TTC28: variants seen among roughly 807,000 people sequenced by gnomAD.
TTC28 encodes the protein tetratricopeptide repeat domain 28.
Under a neutral mutation model 198.0 loss-of-function variants are expected in TTC28, and 61 were observed. The ratio of observed to expected loss-of-function variants is 0.31; its 90% CI spans 0.25 to 0.38. TTC28 has a LOEUF of 0.38. TTC28 is among the 10% of genes least tolerant of loss of function. TTC28 has a pLI of 1.00. For synonymous variants in TTC28, 1,171 were observed against 1,297.8 expected (o/e 0.90, Z 2.10); for missense variants, 2,678 against 3,164.0 (o/e 0.85, Z 3.69).
At chr22:28,176,911 T>C (rs1192492726) in intron 5 of TTC28, among the ~76,000 whole-genome samples, 2 of 152,136 alleles carry the variant, frequency 1.3e-5, no homozygotes, top group African/African-American at 4.8e-5. Context: ...TGGAAATGGA[T>C]CAGACCTAAA....
At chr22:28,321,044 G>A (rs16986308) in intron 2 of TTC28, among the ~76,000 whole-genome samples, 15,631 of 152,092 alleles carry the variant, frequency 0.1, 942 homozygotes, top group Non-Finnish European at 0.12. Flanking sequence ...GAAGCAAGAG[G>A]AAATTCACTT....
In TTC28 at chr22:28,648,489, T is replaced by C. The variant is rs542269703; in HGVS notation, c.103-18659A>G. 2.6e-5 allele frequency among the ~76,000 whole-genome samples: 4 copies of C among 152,332 alleles called. No homozygotes were observed. In the East Asian group the frequency reaches 7.7e-4, roughly 29 times the overall value. ...TCATTTAATCCAACAATCCCACTAC[T>C]GGGTATCCACCCAAAGGAAAAGAAG... is the stretch of plus-strand genomic sequence containing the variant. On this transcript the variant is annotated intron_variant, in intron 1 of 22. Transcript: ENST00000397906.
intron 12 of TTC28, among the ~76,000 whole-genome samples, chr22:28,089,988 T>C (rs1941762551): frequency 6.6e-6 from 1 of 151,826 alleles, no homozygotes; most frequent in Non-Finnish European, 1.5e-5. Context: ...GGGAGAAGGA[T>C]AGCATTAGGA....
intron 5 of TTC28, among the ~76,000 whole-genome samples, chr22:28,181,838 G>T (rs1381089512): frequency 6.6e-6 from 1 of 152,136 alleles, no homozygotes; most frequent in Non-Finnish European, 1.5e-5. Context: ...AGGCTAGAAG[G>T]ATTGCTTGAG....
intron 2 of TTC28, among the ~76,000 whole-genome samples, chr22:28,397,102 T>C (rs2046830719): frequency 1.3e-5 from 2 of 152,274 alleles, no homozygotes; most frequent in South Asian, 2.1e-4. Context: ...ATCTTTTATA[T>C]AGCAAACAGT....
chr22:28,245,945 T>C (rs1430368081), intron 5 of TTC28, among the ~76,000 whole-genome samples: 4 of 152,214 alleles, frequency 2.6e-5, no homozygotes, highest in Non-Finnish European at 5.9e-5. Flanking sequence ...ACTTATGCTA[T>C]TACTTCATCT....
chr22:28,585,766 G>T (rs1221887860), intron 2 of TTC28, among the ~76,000 whole-genome samples: 2 of 152,130 alleles, frequency 1.3e-5, no homozygotes, highest in African/African-American at 4.8e-5. Flanking sequence ...AAAATTCATT[G>T]TCTTAAAGGT....
chr22:28,294,189 G>A (rs2044844033), intron 5 of TTC28, among the ~76,000 whole-genome samples: 1 of 152,100 alleles, frequency 6.6e-6, no homozygotes, highest in African/African-American at 2.4e-5. Flanking sequence ...GGGCAATTTT[G>A]GAAGGGCTTA....
rs76808733 is a variant in TTC28 at position 28,297,478 on chromosome 22, A to C, written c.802+102T>G. 3.2e-3 allele frequency: 4,387 copies of C among 1,368,268 alleles called. 162 individuals carry two copies. The African/African-American group carries it at 0.059, about 18-fold the overall frequency. The allele number at this position is 1,368,268 out of a possible 1,614,324, so 84.8% of individuals were successfully genotyped here. A position where few individuals can be genotyped will look rare whatever the true frequency, so the allele number is the denominator to read the frequency against. The stretch of plus-strand genomic sequence containing the variant: ...AAGCACTGGGATTACAGGTGTGAGC[A>C]ACCAGGCGATCACTTTTCATTGCAT... On this transcript the variant is annotated intron_variant, in intron 4 of 22. Transcript: ENST00000397906.
intron 12 of TTC28, among the ~76,000 whole-genome samples, chr22:28,086,194 A>C (rs1941589536): frequency 6.6e-6 from 1 of 152,110 alleles, no homozygotes; most frequent in African/African-American, 2.4e-5. Context: ...CTCCACCCCA[A>C]ATCAACAGAA....
chr22:28,193,645 G>A (rs533409125), intron 5 of TTC28, among the ~76,000 whole-genome samples: 44 of 152,062 alleles, frequency 2.9e-4, no homozygotes, highest in Non-Finnish European at 5.6e-4. Context: ...ACCTAGTCTC[G>A]GATAAAACAG....
chr22:28,062,496 G>T (rs1198698347), intron 12 of TTC28, among the ~76,000 whole-genome samples: 1 of 148,528 alleles, frequency 6.7e-6, no homozygotes, highest in Non-Finnish European at 1.5e-5. Flanking sequence ...TAGAGACAGG[G>T]TCTCTCTCTG....
intron 12 of TTC28, among the ~76,000 whole-genome samples, chr22:28,042,904 T>C (rs921306382): frequency 2.0e-5 from 3 of 152,128 alleles, no homozygotes; most frequent in Non-Finnish European, 2.9e-5. Context: ...GGCAGTGTAG[T>C]AGACAGCTTT....
At chr22:28,170,406 G>A (rs1202674659) in intron 5 of TTC28, among the ~76,000 whole-genome samples, 2 of 150,894 alleles carry the variant, frequency 1.3e-5, no homozygotes, top group African/African-American at 2.4e-5. Context: ...GGAGAATGGC[G>A]TGAACCCAGG....
chr22:28,639,851 TA>T (rs2051334891), intron 1 of TTC28, among the ~76,000 whole-genome samples: 1 of 152,092 alleles, frequency 6.6e-6, no homozygotes, highest in Non-Finnish European at 1.5e-5. Context: ...AAATAGATGA[TA>T]AGAGAAAATT....
intron 2 of TTC28, among the ~76,000 whole-genome samples, chr22:28,365,534 C>A (rs1416567490): frequency 6.6e-6 from 1 of 152,192 alleles, no homozygotes; most frequent in Non-Finnish European, 1.5e-5. Flanking sequence ...CAAGCATAAG[C>A]CATCCATCTT....
chr22:28,526,857 A>C (rs2049014029), intron 2 of TTC28, among the ~76,000 whole-genome samples: 1 of 151,976 alleles, frequency 6.6e-6, no homozygotes, highest in African/African-American at 2.4e-5. Context: ...CCCAGGTACA[A>C]GTGATTCTCC....
intron 2 of TTC28, 137 bp from the exon 3 acceptor site, chr22:28,306,780 T>G: frequency 1.1e-6 from 1 of 874,704 alleles, no homozygotes; most frequent in South Asian, 1.9e-5. Context: ...CAGTTGGTAA[T>G]GAAATGAACT....
intron 5 of TTC28, among the ~76,000 whole-genome samples, chr22:28,233,337 T>C (rs955067233): frequency 7.2e-5 from 11 of 152,330 alleles, no homozygotes; most frequent in Non-Finnish European, 1.0e-4. Flanking sequence ...TATCTTCACG[T>C]AATTTTGCTC....
Sources: gnomAD v4.1 joint callset for allele counts (sites outside exome capture counted in the v4.1 genomes callset) on GRCh38, gnomAD v4.1.1 for gene constraint, MANE v1.5 for transcripts, NCBI Gene and HGNC (gene_info 2026-07-23, HGNC 2026-07-21) for gene names.